FLACC1: variants seen among roughly 807,000 people sequenced by gnomAD.
The protein encoded by FLACC1 is flagellum associated containing coiled-coil domains 1, also known as flagellum-associated coiled-coil domain-containing protein 1.
In FLACC1, 66 loss-of-function variants were observed where a neutral mutation model predicts 62.8. The observed-to-expected ratio is 1.05, with a 90% CI of 0.86 to 1.29. The LOEUF is 1.29. Ranked by LOEUF, FLACC1 falls within the 50% of genes most tolerant of loss-of-function variation. The pLI is 0.00. For synonymous variants in FLACC1, 156 were observed against 161.0 expected (o/e 0.97, Z 0.24); for missense variants, 452 against 489.1 (o/e 0.92, Z 0.71).
intron 7 of FLACC1, among the ~76,000 whole-genome samples, chr2:201,338,147 T>C (rs1950732462): frequency 6.6e-6 from 1 of 152,246 alleles, no homozygotes; most frequent in African/African-American, 2.4e-5. Flanking sequence ...AGATATTTTA[T>C]TTTATGCTTT....
At chr2:201,358,652 C>T (rs900244628), upstream of FLACC1, among the ~76,000 whole-genome samples, 15 of 151,938 alleles carry the variant, frequency 9.9e-5, no homozygotes, top group African/African-American at 1.5e-4. Context: ...CTCCTGACCT[C>T]GTGATCCGCC....
At chr2:201,290,603 C>T (rs12998984) in intron 12 of FLACC1, among the ~76,000 whole-genome samples, 51,113 of 152,018 alleles carry the variant, frequency 0.34, 10,128 homozygotes, top group East Asian at 0.48. Flanking sequence ...CCAGCGTGAG[C>T]GATGCAGAAG....
At chr2:201,351,512 A>G in intron 1 of FLACC1, 61 bp from the exon 2 acceptor site, 1 of 788,354 alleles carries the variant, frequency 1.3e-6, no homozygotes. Context: ...AAAATACAGA[A>G]GAATTGGGAA....
intron 11 of FLACC1, among the ~76,000 whole-genome samples, chr2:201,303,865 A>G (rs959200052): frequency 2.6e-5 from 4 of 152,162 alleles, no homozygotes; most frequent in African/African-American, 9.6e-5. Context: ...AAAGGCCTTC[A>G]ACAAAATTCG....
In FLACC1 at chr2:201,325,505, G is replaced by C. The variant is rs375054703; in HGVS notation, c.675+4965C>G. On this transcript the variant is annotated intron_variant, in intron 9 of 14. Coordinates refer to ENST00000392257, the MANE Select transcript of FLACC1 (RefSeq NM_001127391.3). ...AGACATTACAACCCACAGAACCACA[G>C]AGATACAAAAGATCACTTGAGGCTA... 1.5e-3 allele frequency among the ~76,000 whole-genome samples: 222 copies of C among 152,116 alleles called. 1 individual carries two copies. Among genetic ancestry groups the C allele is most frequent in the African/African-American group, 5.1e-3 (211 of 41,490 alleles).
chr2:201,301,864 C>G (rs1949992140), intron 11 of FLACC1, among the ~76,000 whole-genome samples: 1 of 152,140 alleles, frequency 6.6e-6, no homozygotes, highest in African/African-American at 2.4e-5. Context: ...GACATAAAAT[C>G]CTTTACAGAG....
At chr2:201,295,281 C>T (rs550229358) in intron 12 of FLACC1, among the ~76,000 whole-genome samples, 47 of 152,234 alleles carry the variant, frequency 3.1e-4, no homozygotes, top group Admixed American at 6.5e-4. Flanking sequence ...TCTACAGTAA[C>T]CAAAACAGCA....
rs1199796426 is a variant in FLACC1, at chr2:201,309,226, C to T, written c.700G>A (p.Glu234Lys). The change falls in exon 10 of 15, where the codon GAG (glutamate) becomes AAG (lysine). Residue 234 changes from glutamate (E) to lysine (K), a missense_variant. Physicochemically the swap from Glu to Lys is moderately conservative, Grantham distance 56. This residue lies in a region of FLACC1 where 301 missense variants were observed against 318.4 expected (regional missense o/e 0.95). Coordinates refer to ENST00000392257, the MANE Select transcript of FLACC1 (RefSeq NM_001127391.3). The stretch of plus-strand genomic sequence containing the variant: ...TTCGCCTTCTGTTTTGACCACTTCT[C>T]TTCCATTTCATCATAAATACTGTCC... ...YQDSIYDEME[E>K]KWSKQKAKWK... The T allele has an allele frequency of 1.2e-6, 2 of 1,613,760 alleles. No homozygotes were observed. The highest frequency in any genetic ancestry group is 1.7e-6 in the Non-Finnish European group (2 of 1,179,858).
At chr2:201,306,099 T>TAA (rs71022361) in intron 11 of FLACC1, among the ~76,000 whole-genome samples, 11 of 146,386 alleles carry the variant, frequency 7.5e-5, no homozygotes, top group Admixed American at 2.1e-4. Flanking sequence ...AAAAAAAGAA[T>TAA]AAAAAAAAAA....
chr2:201,312,319 T>TCC (rs1005029815), intron 9 of FLACC1, among the ~76,000 whole-genome samples: 86 of 152,130 alleles, frequency 5.7e-4, no homozygotes, highest in African/African-American at 2.0e-3. Context: ...AATAACGTAA[T>TCC]CCCATTCACT....
intron 7 of FLACC1, among the ~76,000 whole-genome samples, chr2:201,332,253 C>CT (rs1029853466): frequency 4.3e-4 from 62 of 145,554 alleles, no homozygotes; most frequent in Admixed American, 9.0e-4. Flanking sequence ...AAAGTTTTTT[C>CT]TTTTTTTTTT....
intron 14 of FLACC1, among the ~76,000 whole-genome samples, 184 bp from the exon 15 acceptor site, chr2:201,288,965 G>A (rs1168400158): frequency 6.6e-6 from 1 of 152,118 alleles, no homozygotes; most frequent in Admixed American, 6.5e-5. Context: ...CCTATACGAG[G>A]AATTTTCTAC....
At chr2:201,322,274 AAG>A (rs1950419130) in intron 9 of FLACC1, among the ~76,000 whole-genome samples, 1 of 151,970 alleles carries the variant, frequency 6.6e-6, no homozygotes, top group Admixed American at 6.6e-5. Flanking sequence ...AAAAAAAAAA[AAG>A]AAAAAAAAAA....
intron 7 of FLACC1, among the ~76,000 whole-genome samples, chr2:201,333,022 G>T (rs921248453): frequency 6.6e-6 from 1 of 152,156 alleles, no homozygotes; most frequent in Non-Finnish European, 1.5e-5. Flanking sequence ...TTGAACATGG[G>T]AATACAGACA....
In FLACC1 at chr2:201,335,649, C is replaced by T. The variant is rs567733102; in HGVS notation, c.525-4816G>A. Among the ~76,000 whole-genome samples the T allele has an allele frequency of 2.2e-4, 34 of 152,062 alleles. No individual in the cohort carries two copies. In the South Asian group the frequency reaches 6.9e-3, roughly 31 times the overall value. ...TTATTTTTGCTCAGGATCATTTTGG[C>T]TATTTGGGGACTTTGTGGGTCCATA... On this transcript the variant is annotated intron_variant, in intron 7 of 14. Coordinates refer to ENST00000392257, the MANE Select transcript of FLACC1 (RefSeq NM_001127391.3).
chr2:201,299,118 G>C (rs2125545274), intron 12 of FLACC1, 120 bp downstream of exon 12: 1 of 947,730 alleles, frequency 1.1e-6, no homozygotes, highest in South Asian at 1.7e-5. Flanking sequence ...TCAGCTTTAG[G>C]TCTTCCATTT....
intron 7 of FLACC1, among the ~76,000 whole-genome samples, chr2:201,339,115 T>A (rs549719284): frequency 6.6e-6 from 1 of 152,304 alleles, no homozygotes; most frequent in African/African-American, 2.4e-5. Flanking sequence ...CTTGAATAAT[T>A]TTCAATTTCT....
chr2:201,331,262 A>G (rs1950589298), intron 7 of FLACC1, among the ~76,000 whole-genome samples: 1 of 152,076 alleles, frequency 6.6e-6, no homozygotes, highest in Non-Finnish European at 1.5e-5. Flanking sequence ...GTGAGCTACC[A>G]TACTCAGCCT....
In FLACC1 at chr2:201,307,576, A is replaced by T. The variant is rs145474429; in HGVS notation, c.822T>A (p.Asp274Glu). ...CACTGCAGGATTCATTTATTTTCTT[A>T]TCTTCTTCTCCTGACTCCATTTCGA... ...KKFEMESGEE[D>E]KKINESCSAV... Residue 274 changes from aspartate to glutamate, a missense_variant, in exon 11 of 15, where the codon GAT becomes GAA. Physicochemically the swap from Asp to Glu is conservative, Grantham distance 45 (BLOSUM62 2). This residue lies in a region of FLACC1 where 301 missense variants were observed against 318.4 expected (regional missense o/e 0.95). Transcript: ENST00000392257. The T allele has an allele frequency of 5.9e-5, 95 of 1,614,156 alleles. 1 individual carries two copies. The African/African-American group carries it at 1.1e-3, about 19-fold the overall frequency.
Sources: gnomAD v4.1 joint callset for allele counts (sites outside exome capture counted in the v4.1 genomes callset) on GRCh38, gnomAD v4.1.1 for gene constraint, gnomAD v4.1.1 regional missense constraint, MANE v1.5 for transcripts, NCBI Gene and HGNC (gene_info 2026-07-23, HGNC 2026-07-21) for gene names.